BTRC: variants seen among roughly 807,000 people sequenced by gnomAD.
BTRC encodes the protein beta-transducin repeat containing E3 ubiquitin protein ligase.
A neutral mutation model predicts 85.5 loss-of-function variants in BTRC; 42 were observed. The ratio of observed to expected loss-of-function variants is 0.49; its 90% CI spans 0.38 to 0.64. BTRC has a LOEUF of 0.64. Among genes scored for constraint, BTRC ranks in the 30% least tolerant of loss-of-function variants. BTRC has a pLI of 0.00. For synonymous variants in BTRC, 255 were observed against 263.3 expected, an observed-to-expected ratio of 0.97 and a Z score of 0.30; for missense variants, 594 against 743.5, an observed-to-expected ratio of 0.80 and a Z score of 2.34.
At chr10:101,497,876 TG>T (rs1306398755) in intron 4 of BTRC, among the ~76,000 whole-genome samples, 1 of 150,520 alleles carries the variant, frequency 6.6e-6, no homozygotes, top group Non-Finnish European at 1.5e-5. Context: ...AAAAATTAAC[TG>T]GGCATGGTGG....
chr10:101,455,935 A>C (rs1300283370), intron 2 of BTRC, among the ~76,000 whole-genome samples: 2 of 147,762 alleles, frequency 1.4e-5, no homozygotes, highest in Non-Finnish European at 3.0e-5. Flanking sequence ...TGAGGTTAGG[A>C]GTTCGAGGCT....
intron 13 of BTRC, among the ~76,000 whole-genome samples, chr10:101,541,236 T>G (rs1257793128): frequency 6.6e-6 from 1 of 151,544 alleles, no homozygotes; most frequent in African/African-American, 2.4e-5. Context: ...TGTGTATATA[T>G]AGATGTATGT....
intron 4 of BTRC, among the ~76,000 whole-genome samples, chr10:101,480,842 G>T (rs1945814595): frequency 6.6e-6 from 1 of 152,130 alleles, no homozygotes; most frequent in Admixed American, 6.5e-5. Context: ...GCTATAAAAT[G>T]TAATTATAAA....
At chr10:101,442,288 C>CTGTGTGTGTGTGTG (rs1240113814) in intron 2 of BTRC, among the ~76,000 whole-genome samples, 7 of 99,274 alleles carry the variant, frequency 7.1e-5, no homozygotes, top group African/African-American at 3.3e-4. Context: ...CTCTCTGTCT[C>CTGTGTGTGTGTGTG]TGTGTGTATG....
chr10:101,476,952 G>A (rs2134216791), intron 3 of BTRC, among the ~76,000 whole-genome samples: 1 of 152,060 alleles, frequency 6.6e-6, no homozygotes, highest in East Asian at 1.9e-4. Context: ...ATGTTCAGAA[G>A]CTCTGGGGAT....
At chr10:101,406,196 A>G (rs1274960151) in intron 1 of BTRC, among the ~76,000 whole-genome samples, 1 of 144,998 alleles carries the variant, frequency 6.9e-6, no homozygotes, top group Non-Finnish European at 1.5e-5. Flanking sequence ...TTTTTTTTTG[A>G]GATGGAGTCT....
At chr10:101,511,881 C>T (rs887016249) in intron 4 of BTRC, among the ~76,000 whole-genome samples, 3 of 152,118 alleles carry the variant, frequency 2.0e-5, no homozygotes, top group Non-Finnish European at 4.4e-5. Context: ...GAACTCCTAA[C>T]CTCAAGTGAT....
chr10:101,496,109 A>G (rs1480363828), intron 4 of BTRC, among the ~76,000 whole-genome samples: 1 of 151,844 alleles, frequency 6.6e-6, no homozygotes, highest in Non-Finnish European at 1.5e-5. Flanking sequence ...GTAATATTTC[A>G]TTATACATAT....
intron 4 of BTRC, among the ~76,000 whole-genome samples, chr10:101,511,553 T>C (rs543960249): frequency 6.6e-6 from 1 of 152,058 alleles, no homozygotes; most frequent in South Asian, 2.1e-4. Context: ...GTTTTTTGTT[T>C]TGTTTTGTTT....
At chr10:101,365,100 T>G (rs1564728561) in intron 1 of BTRC, 1 of 151,844 alleles carries the variant, frequency 6.6e-6, no homozygotes, top group Non-Finnish European at 1.5e-5. Flanking sequence ...TAAGATGGAG[T>G]TTCGCTCTTG....
At chr10:101,365,319 C>T (rs1249143153) in intron 1 of BTRC, among the ~76,000 whole-genome samples, 3 of 149,078 alleles carry the variant, frequency 2.0e-5, no homozygotes, top group South Asian at 2.1e-4. Context: ...GTGATCTGCC[C>T]GCCTCAGCCT....
At chr10:101,366,506 G>A (rs893954515) in intron 1 of BTRC, among the ~76,000 whole-genome samples, 1 of 151,784 alleles carries the variant, frequency 6.6e-6, no homozygotes, top group South Asian at 2.1e-4. Context: ...GTTAAAGGAA[G>A]GAGAAATTAG....
chr10:101,388,750 C>CA (rs1486124633), intron 1 of BTRC, among the ~76,000 whole-genome samples: 1 of 152,188 alleles, frequency 6.6e-6, no homozygotes, highest in Admixed American at 6.5e-5. Flanking sequence ...CTCAGCCTCT[C>CA]AAAGTGCTGG....
At chr10:101,392,886 G>C (rs1294530170) in intron 1 of BTRC, among the ~76,000 whole-genome samples, 1 of 152,158 alleles carries the variant, frequency 6.6e-6, no homozygotes, top group Non-Finnish European at 1.5e-5. Flanking sequence ...TTCATCCATG[G>C]TCCTGGTTCA....
chr10:101,356,499 TG>T (rs1225463451), intron 1 of BTRC, among the ~76,000 whole-genome samples: 2 of 152,248 alleles, frequency 1.3e-5, no homozygotes, highest in Non-Finnish European at 2.9e-5. Context: ...TGAGTTAAAG[TG>T]GACTTGGAGA....
intron 11 of BTRC, 64 bp downstream of exon 11, chr10:101,535,536 C>A: frequency 9.2e-7 from 1 of 1,088,650 alleles, no homozygotes; most frequent in Non-Finnish European, 1.3e-6. Context: ...TATTAATGCA[C>A]AGATCATACA....
At chr10:101,546,500 A>G (rs1015737918) in intron 13 of BTRC, among the ~76,000 whole-genome samples, 1 of 152,042 alleles carries the variant, frequency 6.6e-6, no homozygotes, top group Admixed American at 6.5e-5. Flanking sequence ...TTTGAAGTAA[A>G]TAAAAATGAA....
At chr10:101,511,456 C>T (rs893565494) in intron 4 of BTRC, among the ~76,000 whole-genome samples, 8 of 152,086 alleles carry the variant, frequency 5.3e-5, no homozygotes, top group Admixed American at 3.9e-4. Flanking sequence ...GTTGCCCAGG[C>T]GTTCAAGCAG....
intron 13 of BTRC, among the ~76,000 whole-genome samples, chr10:101,541,335 C>G (rs192596685): frequency 6.6e-6 from 1 of 152,086 alleles, no homozygotes; most frequent in African/African-American, 2.4e-5. Context: ...TCTCAGCGCA[C>G]TGCAAGCTCT....
Sources: allele counts gnomAD v4.1 joint callset (sites outside exome capture counted in the v4.1 genomes callset), GRCh38; gene constraint gnomAD v4.1.1; transcripts MANE v1.5; gene names NCBI Gene and HGNC (gene_info 2026-07-23, HGNC 2026-07-21).